NID2: variants seen among roughly 807,000 people sequenced by gnomAD.
NID2 encodes nidogen 2.
Under a neutral mutation model 145.4 loss-of-function variants are expected in NID2, and 83 were observed. That is an observed-to-expected ratio of 0.57 (90% confidence interval 0.48 to 0.69). NID2 has a LOEUF of 0.69. Among genes scored for constraint, NID2 ranks in the 30% least tolerant of loss-of-function variants. The probability of loss-of-function intolerance (pLI) is 0.00; values close to 1 mark genes in which losing one functional copy is unlikely to be tolerated. For missense variants in NID2, 1,807 were observed against 1,765.7 expected, an observed-to-expected ratio of 1.02 and a Z score of -0.42; for synonymous variants, 739 against 701.3, an observed-to-expected ratio of 1.05 and a Z score of -0.85.
chr14:52,037,383 A>C (rs1158418183), intron 9 of NID2, among the ~76,000 whole-genome samples: 1 of 152,022 alleles, frequency 6.6e-6, no homozygotes, highest in African/African-American at 2.4e-5. Flanking sequence ...CATGTTGGTG[A>C]GCTGCACCCA....
chr14:52,042,082 G>A (rs764164856), intron 7 of NID2, 23 bp downstream of exon 7: 1 of 1,560,904 alleles, frequency 6.4e-7, no homozygotes, highest in Non-Finnish European at 8.7e-7. Flanking sequence ...CTGACTACCG[G>A]CCTTCTCAGA....
In NID2 at chr14:52,005,736, C is replaced by T; in HGVS notation, c.4117+1G>A. 6.2e-7 allele frequency: 1 copy of T among 1,608,370 alleles called. No individual in the cohort carries two copies. The highest frequency in any genetic ancestry group is 2.2e-5 in the East Asian group (1 of 44,862). ...GGAGCATCCTAAAGCATACTTTTTA[C>T]CTGTTGGGCAGTAGGGGTAGACTGC... On this transcript the variant is annotated splice_donor_variant, in intron 21 of 21. Coordinates refer to ENST00000216286, the MANE Select transcript of NID2 (RefSeq NM_007361.4). LOFTEE classifies it high-confidence loss of function.
intron 5 of NID2, among the ~76,000 whole-genome samples, chr14:52,048,362 G>A (rs1180498423): frequency 6.6e-6 from 1 of 152,198 alleles, no homozygotes; most frequent in African/African-American, 2.4e-5. Context: ...TTTATCCAGG[G>A]CGAGAAAAGC....
chr14:52,014,162 G>T, intron 16 of NID2, 125 bp downstream of exon 16: 1 of 1,251,298 alleles, frequency 8.0e-7, no homozygotes, highest in Non-Finnish European at 1.2e-6. Context: ...ATGCCGATGG[G>T]CTGCAGCTCA....
intron 9 of NID2, among the ~76,000 whole-genome samples, chr14:52,034,861 A>G (rs186965247): frequency 1.6e-4 from 25 of 152,330 alleles, no homozygotes; most frequent in African/African-American, 5.8e-4. Context: ...GGTTTTCAGA[A>G]TTAAAATGTC....
At position 52,068,092 on chromosome 14, in the gene NID2, G is replaced by C; in HGVS notation, c.300C>G (p.Pro100=). Reference sequence around the variant, plus strand: ...AAGGGGCGATGGCCGGGAAGTCGGTGGGGAAATCATAGTCCACATACTGCG... The same window carrying C: ...AAGGGGCGATGGCCGGGAAGTCGGTCGGGAAATCATAGTCCACATACTGCG... The part of the protein sequence containing the change: ...RETQYVDYDF[P]TDFPAIAPFL... Residue 100 remains proline, a synonymous_variant, in exon 2 of 22, where the codon CCC becomes CCG. Coordinates refer to ENST00000216286, the MANE Select transcript of NID2 (RefSeq NM_007361.4). The C allele has an allele frequency of 6.2e-7, 1 of 1,613,586 alleles. No individual in the cohort carries two copies. Among genetic ancestry groups the C allele is most frequent in the Non-Finnish European group, 8.5e-7 (1 of 1,179,932 alleles).
At position 52,068,136 on chromosome 14, in the gene NID2, G is replaced by T. The variant is rs1204143334; in HGVS notation, c.256C>A (p.Gln86Lys). Residue 86 changes from glutamine to lysine, a missense_variant, in exon 2 of 22, where the codon CAG becomes AAG. Gln to Lys is a moderately conservative substitution (Grantham distance 53). Coordinates refer to ENST00000216286, the MANE Select transcript of NID2 (RefSeq NM_007361.4). ...TACTGCGTTTCCCTGGGGAAGTCCT[G>T]AGTGGAGATGATGCCGTTGGTGCCC... The part of the protein sequence containing the change: ...YVGTNGIIST[Q>K]DFPRETQYVD... The T allele has an allele frequency of 6.2e-7, 1 of 1,613,156 alleles. No homozygotes were observed. Among genetic ancestry groups the T allele is most frequent in the African/African-American group, 1.3e-5 (1 of 74,950 alleles).
chr14:52,035,915 G>A (rs967179524), intron 9 of NID2, among the ~76,000 whole-genome samples: 8 of 79,220 alleles, frequency 1.0e-4, no homozygotes, highest in Admixed American at 2.3e-4. Flanking sequence ...CACCATGTTG[G>A]CCAGGCTGGT....
At chr14:52,038,700 C>T in intron 9 of NID2, 47 bp downstream of exon 9, 1 of 1,433,682 alleles carries the variant, frequency 7.0e-7, no homozygotes, top group Non-Finnish European at 9.5e-7. Flanking sequence ...TCTAACTCTA[C>T]TTAAAAGGAT....
intron 18 of NID2, chr14:52,008,787 G>A (rs1164671897): frequency 6.6e-6 from 1 of 152,190 alleles, no homozygotes; most frequent in African/African-American, 2.4e-5. Flanking sequence ...GTGGACCAGG[G>A]ATTTGAGAAG....
intron 3 of NID2, 29 bp downstream of exon 3, chr14:52,060,095 G>A (rs889671877): frequency 6.6e-7 from 1 of 1,506,032 alleles, no homozygotes; most frequent in Non-Finnish European, 9.2e-7. Context: ...TATTCAAATA[G>A]GAAAGGGCTT....
chr14:52,030,958 A>C (rs1332410507), intron 9 of NID2, among the ~76,000 whole-genome samples: 2 of 152,262 alleles, frequency 1.3e-5, no homozygotes, highest in African/African-American at 2.4e-5. Context: ...CCTTCTAACT[A>C]CATGGTGAGG....
At chr14:52,011,726 T>C (rs1460850089) in intron 16 of NID2, 43 bp from the exon 17 acceptor site, 3 of 1,610,646 alleles carry the variant, frequency 1.9e-6, no homozygotes, top group Middle Eastern at 1.8e-4. Flanking sequence ...TAGGTTACAT[T>C]TCCCCTTTGT....
At position 52,011,018 on chromosome 14, in the gene NID2, C is replaced by G; in HGVS notation, c.3580G>C (p.Asp1194His). The change falls in exon 18 of 22, where the codon GAC becomes CAC. Residue 1194 changes from aspartate to histidine, a missense_variant. Coordinates refer to ENST00000216286, the MANE Select transcript of NID2 (RefSeq NM_007361.4). ...GLISPEGLAI[D>H]HIRRTMYWTD... Reference sequence around the variant, plus strand: ...CAGTACATTGTTCTGCGGATGTGGTCTATGGCAAGTCCTTCAGGGCTTATC... The same window carrying G: ...CAGTACATTGTTCTGCGGATGTGGTGTATGGCAAGTCCTTCAGGGCTTATC... The G allele has an allele frequency of 6.2e-7, 1 of 1,614,168 alleles. No homozygotes were observed. Among genetic ancestry groups the G allele is most frequent in the East Asian group, 2.2e-5 (1 of 44,878 alleles).
In NID2 at chr14:52,018,985, G is replaced by A. The variant is rs1180897387; in HGVS notation, c.3028+76C>T. 3 of 1,122,064 alleles carry A rather than the reference G, an allele frequency of 2.7e-6. No individual in the cohort carries two copies. In the African/African-American group the frequency reaches 4.6e-5, roughly 17 times the overall value. The allele number at this position is 1,122,064 out of a possible 1,614,324, so 69.5% of individuals were successfully genotyped here. On this transcript the variant is annotated intron_variant, in intron 14 of 21. Coordinates refer to ENST00000216286, the MANE Select transcript of NID2 (RefSeq NM_007361.4). ...AAGGATGGTGACTGGCCCCGTGCCT[G>A]CGTGGTCTGGGCAGGAATTATGATC...
Position 52,060,368 on chromosome 14 carries a change from A to T in NID2, c.535-12T>A. The T allele has an allele frequency of 1.9e-6, 2 of 1,054,282 alleles. No individual in the cohort carries two copies. The highest frequency in any genetic ancestry group is 2.6e-6 in the Non-Finnish European group (2 of 774,254). 65.3% of individuals were successfully genotyped at this position (1,054,282 alleles called of 1,614,324 possible). On this transcript the variant is annotated splice_polypyrimidine_tract_variant and intron_variant, in intron 2 of 21. Coordinates refer to ENST00000216286, the MANE Select transcript of NID2 (RefSeq NM_007361.4). ...TGGAAAGTGTTCAGCTGTGAGGAAA[A>T]AAAAAAAAAAAGAGAGAGAGAGAGA... is the stretch of plus-strand genomic sequence containing the variant.
chr14:52,054,387 G>A, intron 3 of NID2, 66 bp from the exon 4 acceptor site: 2 of 1,468,374 alleles, frequency 1.4e-6, no homozygotes, highest in Non-Finnish European at 9.3e-7. Context: ...CACCTTCCTA[G>A]AAGGTGAACA....
rs33978626 is a variant in NID2 at position 52,046,341 on chromosome 14, A to AAAAAAAAAAAGC, written c.1430-3411_1430-3410insGCTTTTTTTTTT. 4.1e-5 allele frequency among the ~76,000 whole-genome samples: 5 copies of AAAAAAAAAAAGC among 123,166 alleles called. 1 individual carries two copies. The highest frequency in any genetic ancestry group is 9.3e-5 in the African/African-American group (3 of 32,156). The allele number at this position is 123,166 out of a possible 152,430, so 80.8% of individuals were successfully genotyped here. A position where few individuals can be genotyped will look rare whatever the true frequency, so the allele number is the denominator to read the frequency against. On this transcript the variant is annotated intron_variant, in intron 5 of 21. Transcript: ENST00000216286. Reference sequence around the variant, plus strand: ...CCATCTCAAAAAAAAAAAAAAAAAAAAGCCGTTTTCATAATATTCAGATAA... The same window carrying AAAAAAAAAAAGC: ...CCATCTCAAAAAAAAAAAAAAAAAAAAAAAAAAAAAGCAGCCGTTTTCATAATATTCAGATAA...
chr14:52,025,807 A>AC (rs1272666275), intron 12 of NID2, among the ~76,000 whole-genome samples: 2 of 151,648 alleles, frequency 1.3e-5, no homozygotes, highest in African/African-American at 4.8e-5. Context: ...TAAAGGCCCT[A>AC]CCTCTCAATA....
Sources: gnomAD v4.1 joint callset for allele counts (sites outside exome capture counted in the v4.1 genomes callset) on GRCh38, gnomAD v4.1.1 for gene constraint, MANE v1.5 for transcripts, NCBI Gene and HGNC (gene_info 2026-07-23, HGNC 2026-07-21) for gene names.